The following SCMH1 variants were observed in gnomAD, a reference collection of about 807,000 sequenced individuals.
SCMH1 encodes the protein polycomb protein SCMH1.
Under a neutral mutation model 70.8 loss-of-function variants are expected in SCMH1, and 37 were observed. That is an observed-to-expected ratio of 0.52 (90% CI 0.40 to 0.69). The LOEUF (loss-of-function observed/expected upper bound fraction) is 0.69, where lower values mean the gene tolerates loss of function less well. Ranked by LOEUF, SCMH1 falls within the 30% of genes least tolerant of loss-of-function variation. SCMH1 has a pLI of 0.00. For synonymous variants in SCMH1, 292 were observed against 307.4 expected (o/e 0.95, Z 0.52); for missense variants, 607 against 827.3 (o/e 0.73, Z 3.27).
intron 8 of SCMH1, among the ~76,000 whole-genome samples, chr1:41,081,083 A>C (rs1248347427): frequency 6.6e-6 from 1 of 152,222 alleles, no homozygotes; most frequent in Non-Finnish European, 1.5e-5. Flanking sequence ...TCTAATATTT[A>C]AAAATCTAAT....
chr1:41,144,761 TG>T (rs1293499460), intron 5 of SCMH1, among the ~76,000 whole-genome samples: 1 of 152,176 alleles, frequency 6.6e-6, no homozygotes, highest in African/African-American at 2.4e-5. Context: ...CACCAACACT[TG>T]CCATTGTTTG....
intron 8 of SCMH1, among the ~76,000 whole-genome samples, chr1:41,085,555 T>C (rs935950818): frequency 1.3e-5 from 2 of 152,048 alleles, no homozygotes; most frequent in African/African-American, 4.8e-5. Flanking sequence ...AGCCTAAGAA[T>C]TGGAAAAGAT....
chr1:41,227,702 C>T lies in SCMH1; in HGVS notation c.-118+14357G>A, dbSNP rs377551410. ...TATAGGTAAAGAAAGGCAGATTTGGCTGGGCGCAGTGGCTCACGTCTGTAA... is the reference window on the plus strand; with the variant it reads ...TATAGGTAAAGAAAGGCAGATTTGGTTGGGCGCAGTGGCTCACGTCTGTAA... On this transcript the variant is annotated intron_variant, in intron 1 of 14. Coordinates refer to ENST00000337495, the Ensembl canonical transcript of SCMH1. Among the ~76,000 whole-genome samples the T allele has an allele frequency of 5.9e-5, 9 of 152,282 alleles. No individual in the cohort carries two copies. The East Asian group carries it at 1.2e-3, about 20-fold the overall frequency.
intron 6 of SCMH1, among the ~76,000 whole-genome samples, chr1:41,125,334 G>T (rs1347352228): frequency 6.6e-6 from 1 of 151,650 alleles, no homozygotes; most frequent in Non-Finnish European, 1.5e-5. Flanking sequence ...TTCCTTTTCA[G>T]CCTCCTGAGT....
At chr1:41,044,610 G>T (rs891404963) in intron 12 of SCMH1, among the ~76,000 whole-genome samples, 2 of 152,194 alleles carry the variant, frequency 1.3e-5, no homozygotes, top group African/African-American at 4.8e-5. Flanking sequence ...CACCCACGAT[G>T]AGAAACAGCT....
intron 8 of SCMH1, among the ~76,000 whole-genome samples, chr1:41,090,475 G>C (rs576686692): frequency 6.6e-6 from 1 of 151,922 alleles, no homozygotes; most frequent in Non-Finnish European, 1.5e-5. Flanking sequence ...CTGGAAAAGG[G>C]AGGAGTACTG....
intron 12 of SCMH1, among the ~76,000 whole-genome samples, chr1:41,041,951 T>C (rs560455606): frequency 4.6e-5 from 7 of 152,260 alleles, no homozygotes; most frequent in African/African-American, 1.7e-4. Context: ...TCCTGCTTAA[T>C]ACTGTCCTAA....
chr1:41,075,333 T>C lies in SCMH1; in HGVS notation c.864A>G (p.Gly288=), dbSNP rs1232519549. 4 of 1,614,126 alleles carry C rather than the reference T, an allele frequency of 2.5e-6. No individual in the cohort carries two copies. The East Asian group carries it at 6.7e-5, about 27-fold the overall frequency. The change falls in exon 9 of 15, where the codon GGA becomes GGG. Residue 288 remains glycine, a synonymous_variant. Transcript: ENST00000337495. ...TCTTGGGTGTCCGGCCCCGCTTCTT[T>C]CCTGGTTTACGCCCCCTCTGCCCTG...
At chr1:41,053,965 C>T (rs1172266602) in intron 10 of SCMH1, among the ~76,000 whole-genome samples, 3 of 152,118 alleles carry the variant, frequency 2.0e-5, no homozygotes, top group Non-Finnish European at 4.4e-5. Flanking sequence ...CTGCCTCAGC[C>T]TCTCGAGTAG....
intron 6 of SCMH1, among the ~76,000 whole-genome samples, chr1:41,122,988 C>T (rs565155313): frequency 3.9e-5 from 6 of 152,060 alleles, no homozygotes; most frequent in South Asian, 2.1e-4. Flanking sequence ...GGGAGACTGA[C>T]GCAGGAGGAT....
At chr1:41,127,793 C>T (rs1386149745) in intron 6 of SCMH1, among the ~76,000 whole-genome samples, 2 of 152,054 alleles carry the variant, frequency 1.3e-5, no homozygotes, top group East Asian at 3.9e-4. Flanking sequence ...CCTCCACTTC[C>T]CTCCCTTCCT....
intron 13 of SCMH1, among the ~76,000 whole-genome samples, chr1:41,036,696 G>T (rs2148570827): frequency 6.6e-6 from 1 of 152,192 alleles, no homozygotes; most frequent in East Asian, 1.9e-4. Context: ...ACCTTTCCAG[G>T]CTTTTCTCTT....
At chr1:41,165,458 T>G (rs1646349946) in intron 2 of SCMH1, among the ~76,000 whole-genome samples, 1 of 152,102 alleles carries the variant, frequency 6.6e-6, no homozygotes, top group South Asian at 2.1e-4. Context: ...TTGAGGAACC[T>G]CCATCCTGTT....
chr1:41,208,435 T>TAAAAAA, intron 1 of SCMH1, among the ~76,000 whole-genome samples: 1 of 129,752 alleles, frequency 7.7e-6, no homozygotes, highest in African/African-American at 2.6e-5. Flanking sequence ...AGAAAAAAAT[T>TAAAAAA]AAAAAAAAAA....
chr1:41,158,212 T>C (rs1645718598), intron 4 of SCMH1, among the ~76,000 whole-genome samples: 1 of 152,186 alleles, frequency 6.6e-6, no homozygotes. Flanking sequence ...ATATTTATAG[T>C]GTGTGTCAAA....
intron 8 of SCMH1, among the ~76,000 whole-genome samples, chr1:41,090,609 T>C (rs896197570): frequency 2.6e-5 from 4 of 152,108 alleles, no homozygotes; most frequent in African/African-American, 9.6e-5. Context: ...ACTGTATGCC[T>C]GTATCAAAAT....
At chr1:41,116,989 G>A (rs1206377111) in exon 7 of SCMH1, 2 of 1,605,890 alleles carry the variant, frequency 1.2e-6, no homozygotes, top group Non-Finnish European at 1.7e-6. Context: ...CATGGGCCAA[G>A]AAGACGCATT....
At chr1:41,176,771 G>A (rs1647182501) in intron 2 of SCMH1, among the ~76,000 whole-genome samples, 1 of 152,232 alleles carries the variant, frequency 6.6e-6, no homozygotes, top group Non-Finnish European at 1.5e-5. Flanking sequence ...ACTGGGTGGA[G>A]CCTACCGCAG....
At chr1:41,202,381 C>A (rs1406199001) in intron 1 of SCMH1, among the ~76,000 whole-genome samples, 1 of 151,872 alleles carries the variant, frequency 6.6e-6, no homozygotes, top group Non-Finnish European at 1.5e-5. Flanking sequence ...ACACAAGATG[C>A]CTTCCTCAAC....
Sources: allele counts gnomAD v4.1 joint callset (sites outside exome capture counted in the v4.1 genomes callset), GRCh38; gene constraint gnomAD v4.1.1; transcripts MANE v1.5; gene names NCBI Gene and HGNC (gene_info 2026-07-23, HGNC 2026-07-21).